Variants in CPNE8 observed in about 807,000 individuals in gnomAD.
CPNE8 encodes the protein copine 8.
CPNE8 carries 45 observed loss-of-function variants against 81.5 expected under a neutral mutation model. That is an observed-to-expected ratio of 0.55 (90% CI 0.44 to 0.71). The LOEUF (loss-of-function observed/expected upper bound fraction) is 0.71, where lower values mean the gene tolerates loss of function less well. CPNE8 is among the 30% of genes least tolerant of loss of function. The probability of loss-of-function intolerance (pLI) is 0.00; values close to 1 mark genes in which losing one functional copy is unlikely to be tolerated. For synonymous variants in CPNE8, 252 were observed against 226.3 expected (o/e 1.11, Z -1.02); for missense variants, 594 against 672.1 (o/e 0.88, Z 1.28).
chr12:38,707,676 C>A (rs187615983), intron 13 of CPNE8, among the ~76,000 whole-genome samples: 194 of 152,282 alleles, frequency 1.3e-3, no homozygotes, highest in Admixed American at 2.2e-3. Context: ...TGATTGATGA[C>A]AAGATTTGAT....
intron 7 of CPNE8, among the ~76,000 whole-genome samples, chr12:38,775,780 A>T (rs1204646195): frequency 2.0e-5 from 3 of 152,188 alleles, no homozygotes; most frequent in African/African-American, 7.2e-5. Flanking sequence ...TCCCAAGCTA[A>T]CAAGAGATGG....
chr12:38,778,427 C>T (rs1380885665), intron 6 of CPNE8, among the ~76,000 whole-genome samples: 1 of 152,180 alleles, frequency 6.6e-6, no homozygotes, highest in African/African-American at 2.4e-5. Context: ...CTATCTAAAA[C>T]TATGGGTTTC....
chr12:38,842,032 C>CAAA (rs55757005), intron 4 of CPNE8, among the ~76,000 whole-genome samples: 1 of 131,610 alleles, frequency 7.6e-6, no homozygotes, highest in Non-Finnish European at 1.6e-5. Context: ...TTTACAATAG[C>CAAA]AAAAAAAAAA....
At chr12:38,704,220 T>G (rs1379590418) in intron 13 of CPNE8, among the ~76,000 whole-genome samples, 1 of 152,128 alleles carries the variant, frequency 6.6e-6, no homozygotes, top group Non-Finnish European at 1.5e-5. Context: ...TATATCCAGG[T>G]AACAAACACG....
At chr12:38,679,891 T>C (rs1939372900) in intron 16 of CPNE8, among the ~76,000 whole-genome samples, 1 of 151,808 alleles carries the variant, frequency 6.6e-6, no homozygotes, top group Non-Finnish European at 1.5e-5. Flanking sequence ...CACACCTCAA[T>C]ACTTTTTCTA....
intron 14 of CPNE8, among the ~76,000 whole-genome samples, chr12:38,700,568 T>C (rs1187862640): frequency 6.6e-6 from 1 of 152,094 alleles, no homozygotes; most frequent in Non-Finnish European, 1.5e-5. Context: ...GTTTTCAACA[T>C]GAAAGTGCAC....
chr12:38,798,837 T>C (rs193157060), intron 6 of CPNE8, among the ~76,000 whole-genome samples: 207 of 151,796 alleles, frequency 1.4e-3, no homozygotes, highest in Non-Finnish European at 2.6e-3. Context: ...AGGCTCAAAA[T>C]AAAAGGATGG....
chr12:38,777,403 T>TTAA (rs1355658388), intron 6 of CPNE8, among the ~76,000 whole-genome samples: 1 of 152,230 alleles, frequency 6.6e-6, no homozygotes, highest in African/African-American at 2.4e-5. Flanking sequence ...TTTAAAAAGT[T>TTAA]TAAAATATTT....
At chr12:38,797,429 A>C (rs935040040) in intron 6 of CPNE8, among the ~76,000 whole-genome samples, 1 of 152,162 alleles carries the variant, frequency 6.6e-6, no homozygotes, top group Admixed American at 6.5e-5. Flanking sequence ...GCGGATACCC[A>C]GGCAAACAGG....
intron 3 of CPNE8, among the ~76,000 whole-genome samples, chr12:38,852,442 AAAAAAAAAAAT>A (rs1943661312): frequency 6.6e-6 from 1 of 150,754 alleles, no homozygotes; most frequent in African/African-American, 2.4e-5. Flanking sequence ...AAAAAAAAAA[AAAAAAAAAAAT>A]TAGCCAGGCG....
chr12:38,834,337 G>T (rs1759004889), intron 5 of CPNE8, among the ~76,000 whole-genome samples: 1 of 151,936 alleles, frequency 6.6e-6, no homozygotes, highest in South Asian at 2.1e-4. Context: ...ACATGAACTT[G>T]GCCTTACCAT....
chr12:38,762,897 C>T (rs539173734), intron 8 of CPNE8, among the ~76,000 whole-genome samples: 1 of 152,174 alleles, frequency 6.6e-6, no homozygotes, highest in Admixed American at 6.5e-5. Context: ...GAGTCTCTGT[C>T]GCCCAGGCTG....
intron 13 of CPNE8, among the ~76,000 whole-genome samples, chr12:38,712,976 T>C (rs936839130): frequency 2.0e-5 from 3 of 152,178 alleles, no homozygotes; most frequent in African/African-American, 4.8e-5. Context: ...AGAAAAATAA[T>C]AGCTAGCATT....
chr12:38,896,865 A>G (rs1944395492), intron 1 of CPNE8, among the ~76,000 whole-genome samples: 1 of 152,152 alleles, frequency 6.6e-6, no homozygotes, highest in Non-Finnish European at 1.5e-5. Flanking sequence ...TCCAAAGTAC[A>G]GATACCTTCT....
chr12:38,687,744 C>T (rs1368682787), intron 15 of CPNE8, among the ~76,000 whole-genome samples: 1 of 152,154 alleles, frequency 6.6e-6, no homozygotes, highest in Non-Finnish European at 1.5e-5. Context: ...TTACCAACTA[C>T]TTCAATTTTA....
intron 1 of CPNE8, among the ~76,000 whole-genome samples, chr12:38,887,793 C>G (rs1219353720): frequency 6.6e-6 from 1 of 152,164 alleles, no homozygotes; most frequent in Admixed American, 6.6e-5. Flanking sequence ...CTTTCTGGCT[C>G]TAAACTTTTG....
chr12:38,808,825 C>G (rs114439563), intron 6 of CPNE8, among the ~76,000 whole-genome samples: 5,285 of 151,302 alleles, frequency 0.035, 337 homozygotes, highest in African/African-American at 0.12. Flanking sequence ...TTTTGGCAAA[C>G]CACCTCACAG....
intron 10 of CPNE8, among the ~76,000 whole-genome samples, chr12:38,753,336 C>A (rs1014291412): frequency 2.0e-5 from 3 of 152,222 alleles, no homozygotes; most frequent in African/African-American, 7.2e-5. Context: ...CCAGTAATCC[C>A]AGCGACTCAG....
intron 4 of CPNE8, among the ~76,000 whole-genome samples, chr12:38,843,393 G>T (rs1310421750): frequency 2.0e-5 from 3 of 152,118 alleles, no homozygotes; most frequent in African/African-American, 7.2e-5. Flanking sequence ...CCAGTCCATG[G>T]CCAGGTGATG....
Sources: gnomAD v4.1 joint callset for allele counts (sites outside exome capture counted in the v4.1 genomes callset) on GRCh38, gnomAD v4.1.1 for gene constraint, MANE v1.5 for transcripts, NCBI Gene and HGNC (gene_info 2026-07-23, HGNC 2026-07-21) for gene names.